HOOK3: variants seen among roughly 807,000 people sequenced by gnomAD.
The protein encoded by HOOK3 is hook microtubule tethering protein 3.
Under a neutral mutation model 116.3 loss-of-function variants are expected in HOOK3, and 24 were observed. The ratio of observed to expected loss-of-function variants is 0.21; its 90% CI spans 0.15 to 0.29. The LOEUF (loss-of-function observed/expected upper bound fraction) is 0.29, where lower values mean the gene tolerates loss of function less well. HOOK3 is among the 10% of genes least tolerant of loss of function. The probability of loss-of-function intolerance (pLI) is 1.00; values close to 1 mark genes in which losing one functional copy is unlikely to be tolerated. For synonymous variants in HOOK3, 275 were observed against 283.0 expected, an observed-to-expected ratio of 0.97 and a Z score of 0.28; for missense variants, 632 against 830.2, an observed-to-expected ratio of 0.76 and a Z score of 2.93.
At chr8:42,946,588 T>G (rs1186306573) in intron 5 of HOOK3, among the ~76,000 whole-genome samples, 1 of 151,982 alleles carries the variant, frequency 6.6e-6, no homozygotes, top group Admixed American at 6.6e-5. Context: ...GCAAAACAGA[T>G]TTCTATTAAC....
chr8:42,963,191 G>T (rs959210948), intron 8 of HOOK3, among the ~76,000 whole-genome samples: 4 of 152,200 alleles, frequency 2.6e-5, no homozygotes, highest in Middle Eastern at 3.4e-3. Context: ...AGTAGTACAG[G>T]TTGAGTATTC....
At chr8:42,941,364 A>T (rs1423222623) in intron 4 of HOOK3, among the ~76,000 whole-genome samples, 1 of 151,026 alleles carries the variant, frequency 6.6e-6, no homozygotes, top group Non-Finnish European at 1.5e-5. Flanking sequence ...AAATACAAAA[A>T]AAAATTAGGT....
intron 11 of HOOK3, 126 bp from the exon 12 acceptor site, chr8:42,973,163 C>G: frequency 9.6e-7 from 1 of 1,039,284 alleles, no homozygotes; most frequent in Non-Finnish European, 1.4e-6. Context: ...CTGTGTTAGA[C>G]TGCTGGATCA....
At chr8:42,989,100 A>C (rs1809107294) in intron 15 of HOOK3, among the ~76,000 whole-genome samples, 1 of 152,134 alleles carries the variant, frequency 6.6e-6, no homozygotes, top group Admixed American at 6.6e-5. Flanking sequence ...TGTATCTGTA[A>C]TACCTGCCAA....
chr8:42,969,878 A>G (rs981646679), intron 11 of HOOK3, among the ~76,000 whole-genome samples: 1 of 152,168 alleles, frequency 6.6e-6, no homozygotes, highest in East Asian at 1.9e-4. Flanking sequence ...TCACTTGCAC[A>G]TATTTTTACT....
chr8:42,967,081 A>G (rs1166503985), intron 10 of HOOK3, among the ~76,000 whole-genome samples: 1 of 152,022 alleles, frequency 6.6e-6, no homozygotes, highest in Non-Finnish European at 1.5e-5. Context: ...TATCTCAACC[A>G]TCTACATTTT....
chr8:42,905,936 A>G (rs562678644), intron 1 of HOOK3, among the ~76,000 whole-genome samples: 1 of 152,042 alleles, frequency 6.6e-6, no homozygotes, highest in African/African-American at 2.4e-5. Flanking sequence ...AGATACAGAA[A>G]ATTAGCAGGG....
chr8:42,980,753 G>A (rs1808923623), intron 13 of HOOK3, among the ~76,000 whole-genome samples: 1 of 152,014 alleles, frequency 6.6e-6, no homozygotes, highest in East Asian at 2.0e-4. Context: ...GTGTGGAGAC[G>A]GGTGCCTGTA....
intron 8 of HOOK3, among the ~76,000 whole-genome samples, chr8:42,963,128 G>A (rs1421088215): frequency 1.3e-5 from 2 of 151,856 alleles, no homozygotes; most frequent in Non-Finnish European, 2.9e-5. Flanking sequence ...ACGTTATTTT[G>A]AGATTCATCT....
chr8:42,995,480 G>C (rs1248530361), intron 15 of HOOK3, among the ~76,000 whole-genome samples: 1 of 152,000 alleles, frequency 6.6e-6, no homozygotes, highest in African/African-American at 2.4e-5. Flanking sequence ...CTCATTCTCT[G>C]ATATTCTTCA....
At chr8:42,926,855 A>G (rs897823306) in intron 3 of HOOK3, among the ~76,000 whole-genome samples, 12 of 152,216 alleles carry the variant, frequency 7.9e-5, no homozygotes, top group Non-Finnish European at 1.6e-4. Context: ...ACCCAGAACT[A>G]TTCCGTCACC....
Position 43,003,155 on chromosome 8 carries a change from A to C in HOOK3, c.1655+1014A>C, listed in dbSNP as rs72647255. Among the ~76,000 whole-genome samples, 824 of 152,318 alleles carry C rather than the reference A, an allele frequency of 5.4e-3. 2 individuals carry two copies. Among genetic ancestry groups the C allele is most frequent in the Middle Eastern group, 0.027 (8 of 294 alleles). ...ATTAATAGCCTGTTAAAGTGTTACA[A>C]CTTTACACTGTGCTAAACCAGACAT... On this transcript the variant is annotated intron_variant, in intron 17 of 21. Coordinates refer to ENST00000307602, the MANE Select transcript of HOOK3 (RefSeq NM_032410.4).
At chr8:42,899,702 G>T (rs538668944) in intron 1 of HOOK3, among the ~76,000 whole-genome samples, 1 of 152,274 alleles carries the variant, frequency 6.6e-6, no homozygotes, top group Admixed American at 6.5e-5. Context: ...AGTCAGTTTG[G>T]TTGTGTGGGG....
rs141173084 is a variant in HOOK3 at position 43,002,707 on chromosome 8, T to G, written c.1655+566T>G. Among the ~76,000 whole-genome samples the G allele has an allele frequency of 4.7e-3, 717 of 152,304 alleles. 11 individuals carry two copies. The highest frequency in any genetic ancestry group is 0.016 in the African/African-American group (683 of 41,572). ...TCTTTTAAAAAAGAGACCCTGTCTT[T>G]AAGAGACTTTAAGGTCTTTAAGAGG... On this transcript the variant is annotated intron_variant, in intron 17 of 21. Transcript: ENST00000307602.
In HOOK3 at chr8:42,959,338, AC is replaced by A. The variant is rs774440090; in HGVS notation, c.615+26del. 6.9e-6 allele frequency: 10 copies of A among 1,452,480 alleles called. No individual in the cohort carries two copies. The South Asian group carries it at 1.0e-4, about 15-fold the overall frequency. 90.0% of individuals were successfully genotyped at this position (1,452,480 alleles called of 1,614,324 possible). ...AGGTAAGAGATTTGTTCTGTGCACC[AC>A]CTCTTTGAAACATACCACTGTAAAT... On this transcript the variant is annotated intron_variant, in intron 8 of 21. Transcript: ENST00000307602.
intron 17 of HOOK3, among the ~76,000 whole-genome samples, chr8:43,005,215 T>TAATTC (rs1491148671): frequency 1.3e-5 from 1 of 76,688 alleles, no homozygotes; most frequent in East Asian, 4.0e-4. Flanking sequence ...ATATATATAA[T>TAATTC]TTTTTTTTTT....
In HOOK3 at chr8:43,011,024, G is replaced by A. The variant is rs185615269; in HGVS notation, c.1839+619G>A. Among the ~76,000 whole-genome samples, 11 of 151,364 alleles carry A rather than the reference G, an allele frequency of 7.3e-5. No homozygotes were observed. The East Asian group carries it at 1.8e-3, about 24-fold the overall frequency. ...CTTTTTTTTTTTGAGATGGAGTCTC[G>A]CTCTGTCGCCCAGGCTGGAGTACAG... On this transcript the variant is annotated intron_variant, in intron 19 of 21. Transcript: ENST00000307602.
At chr8:42,982,551 C>T in intron 13 of HOOK3, 76 bp from the exon 14 acceptor site, 3 of 968,206 alleles carry the variant, frequency 3.1e-6, no homozygotes, top group African/African-American at 1.6e-5. Context: ...AATTAATGCT[C>T]AAAGTAGGGT....
At chr8:43,003,320 G>T (rs752614068) in intron 17 of HOOK3, among the ~76,000 whole-genome samples, 2 of 152,116 alleles carry the variant, frequency 1.3e-5, no homozygotes, top group Non-Finnish European at 2.9e-5. Flanking sequence ...TACTCCTGGC[G>T]ACAGATTTGC....
Sources: gnomAD v4.1 joint callset for allele counts (sites outside exome capture counted in the v4.1 genomes callset) on GRCh38, gnomAD v4.1.1 for gene constraint, MANE v1.5 for transcripts, NCBI Gene and HGNC (gene_info 2026-07-23, HGNC 2026-07-21) for gene names.